The following CLPB variants were observed in gnomAD, a reference collection of about 807,000 sequenced individuals.
CLPB encodes ClpB family mitochondrial disaggregase.
CLPB carries 40 observed loss-of-function variants against 78.4 expected under a neutral mutation model. The observed-to-expected ratio is 0.51, with a 90% CI of 0.40 to 0.66. The LOEUF is 0.66. Among genes scored for constraint, CLPB ranks in the 30% least tolerant of loss-of-function variants. The pLI is 0.00. For synonymous variants in CLPB, 333 were observed against 348.0 expected (o/e 0.96, Z 0.48); for missense variants, 780 against 886.9 (o/e 0.88, Z 1.53).
intron 6 of CLPB, among the ~76,000 whole-genome samples, chr11:72,325,358 AACCCTCCTAAG>A (rs1950114492): frequency 1.3e-5 from 2 of 152,200 alleles, no homozygotes; most frequent in Admixed American, 1.3e-4. Flanking sequence ...CAACTCTGCG[AACCCTCCTAAG>A]ACAAATCAGT....
chr11:72,386,133 ATAGAG>A (rs1855068671), intron 3 of CLPB, among the ~76,000 whole-genome samples: 1 of 152,180 alleles, frequency 6.6e-6, no homozygotes, highest in South Asian at 2.1e-4. Context: ...CTTTACCAAA[ATAGAG>A]TAGTTTTTTT....
At chr11:72,358,347 A>G (rs1950761384) in intron 5 of CLPB, among the ~76,000 whole-genome samples, 1 of 152,206 alleles carries the variant, frequency 6.6e-6, no homozygotes, top group Non-Finnish European at 1.5e-5. Context: ...GAACAAATAA[A>G]AACAATTTCA....
chr11:72,329,668 T>C (rs1198486651), intron 6 of CLPB, 39 bp downstream of exon 6: 10 of 1,331,334 alleles, frequency 7.5e-6, no homozygotes, highest in Non-Finnish European at 1.1e-5. Flanking sequence ...AAATGATGCA[T>C]GGAGTACCCA....
At position 72,363,834 on chromosome 11, in the gene CLPB, C is replaced by T. The variant is rs192216097; in HGVS notation, c.647-4826G>A. 7.2e-3 allele frequency among the ~76,000 whole-genome samples: 1,092 copies of T among 152,338 alleles called. 5 individuals carry two copies. The highest frequency in any genetic ancestry group is 0.013 in the Non-Finnish European group (863 of 68,036). ...GCCCACAGGCCCAAGCCTCATATAA[C>T]TCAGGGTCGGTTGATACCAGCTGAA... is the stretch of plus-strand genomic sequence containing the variant. On this transcript the variant is annotated intron_variant, in intron 4 of 15. Coordinates refer to ENST00000538039, the MANE Select transcript of CLPB (RefSeq NM_001258392.3).
intron 5 of CLPB, among the ~76,000 whole-genome samples, chr11:72,340,983 C>T (rs1228203979): frequency 2.6e-5 from 4 of 152,060 alleles, no homozygotes; most frequent in African/African-American, 7.2e-5. Context: ...GGCACCACGC[C>T]CGGCTAATTT....
chr11:72,360,427 C>T (rs1950813901), intron 4 of CLPB, among the ~76,000 whole-genome samples: 1 of 152,122 alleles, frequency 6.6e-6, no homozygotes, highest in South Asian at 2.1e-4. Flanking sequence ...ACTGCCATGC[C>T]TCTTCCAAAT....
chr11:72,419,062 C>T (rs553335122), intron 2 of CLPB, among the ~76,000 whole-genome samples: 12 of 152,126 alleles, frequency 7.9e-5, no homozygotes, highest in Non-Finnish European at 1.5e-4. Context: ...AAAAGGCAGA[C>T]ACAGAACAGG....
intron 5 of CLPB, chr11:72,354,609 C>T (rs1950674212): frequency 2.9e-6 from 1 of 344,594 alleles, no homozygotes; most frequent in Non-Finnish European, 5.2e-6. Flanking sequence ...TTCCTCCCTC[C>T]CTCCCACCAC....
At chr11:72,319,505 T>C (rs1351534011) in intron 6 of CLPB, among the ~76,000 whole-genome samples, 1 of 152,260 alleles carries the variant, frequency 6.6e-6, no homozygotes. Flanking sequence ...TGGCTCACAG[T>C]GAGGCAAGTT....
At chr11:72,322,739 G>GCCA (rs1220326891) in intron 6 of CLPB, among the ~76,000 whole-genome samples, 1 of 152,162 alleles carries the variant, frequency 6.6e-6, no homozygotes, top group African/African-American at 2.4e-5. Flanking sequence ...GGTGGCGGCT[G>GCCA]CCAGGTTTCT....
At chr11:72,347,219 G>C (rs148888678) in intron 5 of CLPB, among the ~76,000 whole-genome samples, 1 of 152,126 alleles carries the variant, frequency 6.6e-6, no homozygotes, top group African/African-American at 2.4e-5. Context: ...AAATTTTGAT[G>C]AGGAGCAGGA....
intron 6 of CLPB, among the ~76,000 whole-genome samples, chr11:72,321,008 C>T (rs779328693): frequency 6.6e-6 from 1 of 152,072 alleles, no homozygotes; most frequent in South Asian, 2.1e-4. Context: ...CCACCGCTCC[C>T]GGCAATGATT....
intron 6 of CLPB, among the ~76,000 whole-genome samples, chr11:72,328,493 C>G (rs1454839655): frequency 2.0e-5 from 3 of 152,112 alleles, no homozygotes; most frequent in Admixed American, 6.5e-5. Context: ...GATGTGGTAG[C>G]CCAAGGTCAC....
chr11:72,354,448 T>C (rs894614595), intron 5 of CLPB: 1 of 397,970 alleles, frequency 2.5e-6, no homozygotes, highest in Non-Finnish European at 4.4e-6. Flanking sequence ...GATCTGCCGG[T>C]GGGATCACAT....
intron 7 of CLPB, among the ~76,000 whole-genome samples, chr11:72,310,348 C>G (rs1376573479): frequency 6.6e-6 from 1 of 152,174 alleles, no homozygotes; most frequent in Non-Finnish European, 1.5e-5. Flanking sequence ...CTCAGTATAA[C>G]CTCTCTCCTG....
At chr11:72,423,719 C>A (rs539061664) in intron 2 of CLPB, among the ~76,000 whole-genome samples, 2 of 152,230 alleles carry the variant, frequency 1.3e-5, no homozygotes, top group South Asian at 4.1e-4. Flanking sequence ...AATTCCTCAA[C>A]GGTTGCCCAT....
chr11:72,355,349 G>T (rs1442221954), intron 5 of CLPB: 1 of 152,158 alleles, frequency 6.6e-6, no homozygotes, highest in Non-Finnish European at 1.5e-5. Flanking sequence ...AATATCGTAG[G>T]TAAAGACAGA....
chr11:72,396,434 C>A (rs1347881176), intron 3 of CLPB, among the ~76,000 whole-genome samples: 1 of 152,182 alleles, frequency 6.6e-6, no homozygotes, highest in Non-Finnish European at 1.5e-5. Flanking sequence ...TCTCCCCACA[C>A]CAGCCTCCCT....
chr11:72,393,418 A>G (rs1340851823), intron 3 of CLPB, among the ~76,000 whole-genome samples: 1 of 152,210 alleles, frequency 6.6e-6, no homozygotes, highest in Non-Finnish European at 1.5e-5. Context: ...TCACTACACT[A>G]AGTAGTTTTA....
Sources: gnomAD v4.1 joint callset for allele counts (sites outside exome capture counted in the v4.1 genomes callset) on GRCh38, gnomAD v4.1.1 for gene constraint, MANE v1.5 for transcripts, NCBI Gene and HGNC (gene_info 2026-07-23, HGNC 2026-07-21) for gene names.